SMAP1: variants seen among roughly 807,000 people sequenced by gnomAD.
SMAP1 encodes the protein small ArfGAP 1, also known as stromal membrane-associated protein 1.
Under a neutral mutation model 58.5 loss-of-function variants are expected in SMAP1, and 24 were observed. The observed-to-expected ratio is 0.41, with a 90% CI of 0.30 to 0.58. The LOEUF (loss-of-function observed/expected upper bound fraction) is 0.58. Among genes scored for constraint, SMAP1 ranks in the 20% least tolerant of loss-of-function variants. The pLI, the probability that SMAP1 is intolerant of heterozygous loss-of-function variation, is 0.29. For missense variants in SMAP1, 563 were observed against 566.3 expected, an observed-to-expected ratio of 0.99 and a Z score of 0.06; for synonymous variants, 216 against 196.6, an observed-to-expected ratio of 1.10 and a Z score of -0.82.
At chr6:70,822,113 G>T (rs1769916358) in intron 6 of SMAP1, among the ~76,000 whole-genome samples, 1 of 152,080 alleles carries the variant, frequency 6.6e-6, no homozygotes, top group Admixed American at 6.5e-5. Context: ...AGAAAATTAG[G>T]AAAATACTTC....
intron 1 of SMAP1, among the ~76,000 whole-genome samples, chr6:70,681,464 C>G (rs1370653975): frequency 6.6e-6 from 1 of 152,136 alleles, no homozygotes; most frequent in African/African-American, 2.4e-5. Flanking sequence ...ATGTTGTTTA[C>G]TTCTTTCGCT....
At chr6:70,668,762 A>G in intron 1 of SMAP1, 8 of 1,528,816 alleles carry the variant, frequency 5.2e-6, no homozygotes, top group Non-Finnish European at 7.0e-6. Context: ...AAAGGTCTTT[A>G]TTAGTAGTAG....
chr6:70,839,172 G>A (rs1770710902), intron 7 of SMAP1, among the ~76,000 whole-genome samples: 1 of 152,192 alleles, frequency 6.6e-6, no homozygotes, highest in Non-Finnish European at 1.5e-5. Flanking sequence ...CTGTGGGTCA[G>A]CTAGGGCAGC....
chr6:70,747,289 A>T (rs141479613), intron 2 of SMAP1, among the ~76,000 whole-genome samples: 1 of 152,348 alleles, frequency 6.6e-6, no homozygotes, highest in South Asian at 2.1e-4. Context: ...TTTGTTTACC[A>T]ATCACTGAAC....
At chr6:70,790,122 C>CGG (rs1457823619) in intron 4 of SMAP1, among the ~76,000 whole-genome samples, 4 of 152,110 alleles carry the variant, frequency 2.6e-5, no homozygotes, top group Admixed American at 6.6e-5. Context: ...CTAAAGTGAT[C>CGG]GTACGGCTTT....
At chr6:70,668,918 A>G (rs1766151775) in intron 1 of SMAP1, among the ~76,000 whole-genome samples, 1 of 152,104 alleles carries the variant, frequency 6.6e-6, no homozygotes, top group Non-Finnish European at 1.5e-5. Context: ...GTGGACACTG[A>G]TTTGTGTACC....
chr6:70,817,837 ACT>A (rs1193321115), intron 6 of SMAP1, among the ~76,000 whole-genome samples: 1 of 152,190 alleles, frequency 6.6e-6, no homozygotes, highest in African/African-American at 2.4e-5. Context: ...ATTTCCAAAG[ACT>A]AAGGATTGAG....
chr6:70,670,830 T>C (rs1766233198), intron 1 of SMAP1, among the ~76,000 whole-genome samples: 1 of 152,250 alleles, frequency 6.6e-6, no homozygotes, highest in South Asian at 2.1e-4. Context: ...TTGGTAGAGG[T>C]ATGTCAATTG....
chr6:70,781,061 G>C (rs997526582), intron 4 of SMAP1, among the ~76,000 whole-genome samples: 8 of 152,108 alleles, frequency 5.3e-5, no homozygotes, highest in African/African-American at 1.9e-4. Context: ...TTAATTATAA[G>C]AGTTTATATC....
chr6:70,737,385 G>A (rs959877742), intron 2 of SMAP1, among the ~76,000 whole-genome samples: 8 of 152,142 alleles, frequency 5.3e-5, no homozygotes, highest in Non-Finnish European at 7.4e-5. Flanking sequence ...GACCTCAGGT[G>A]ATCCACCTGC....
At chr6:70,774,029 C>T (rs750690119) in intron 4 of SMAP1, among the ~76,000 whole-genome samples, 7 of 152,128 alleles carry the variant, frequency 4.6e-5, no homozygotes, top group Admixed American at 2.0e-4. Context: ...TATCTGCATA[C>T]ACAGATACTT....
chr6:70,769,062 T>C (rs1435182948), intron 3 of SMAP1, among the ~76,000 whole-genome samples: 2 of 152,238 alleles, frequency 1.3e-5, no homozygotes, highest in African/African-American at 2.4e-5. Flanking sequence ...TGAGCAGTTT[T>C]GAGTGAGTTT....
chr6:70,853,376 A>G (rs1008110992), intron 8 of SMAP1, among the ~76,000 whole-genome samples: 1 of 152,198 alleles, frequency 6.6e-6, no homozygotes, highest in African/African-American at 2.4e-5. Context: ...AGCATACAAC[A>G]TTAAGATTCT....
chr6:70,777,327 C>A (rs1196975772), intron 4 of SMAP1, among the ~76,000 whole-genome samples: 2 of 152,138 alleles, frequency 1.3e-5, no homozygotes, highest in East Asian at 3.9e-4. Context: ...CGGAGCTGTT[C>A]CTATTCGGCC....
At chr6:70,826,530 G>A (rs1317694535) in intron 6 of SMAP1, among the ~76,000 whole-genome samples, 4 of 152,034 alleles carry the variant, frequency 2.6e-5, no homozygotes, top group Non-Finnish European at 5.9e-5. Context: ...TTGGGAGGCC[G>A]AGGCAGGTGG....
At chr6:70,708,810 G>GT (rs1179972016) in intron 1 of SMAP1, among the ~76,000 whole-genome samples, 1 of 151,902 alleles carries the variant, frequency 6.6e-6, no homozygotes, top group Admixed American at 6.6e-5. Flanking sequence ...TTAAGTAAGT[G>GT]TTTTTTTGGT....
intron 3 of SMAP1, among the ~76,000 whole-genome samples, chr6:70,771,971 G>T (rs1767343145): frequency 6.6e-6 from 1 of 152,184 alleles, no homozygotes; most frequent in Non-Finnish European, 1.5e-5. Context: ...TGTCCCGTCT[G>T]CCCAGGGCAC....
At chr6:70,706,358 C>A (rs1163869290) in intron 1 of SMAP1, among the ~76,000 whole-genome samples, 1 of 152,116 alleles carries the variant, frequency 6.6e-6, no homozygotes, top group Admixed American at 6.5e-5. Flanking sequence ...CTGGTTAAAA[C>A]CAGTCAACTA....
At chr6:70,717,002 T>C (rs1768294856) in intron 1 of SMAP1, among the ~76,000 whole-genome samples, 1 of 152,174 alleles carries the variant, frequency 6.6e-6, no homozygotes, top group African/African-American at 2.4e-5. Context: ...TAGGAGATGA[T>C]TCTTACCAGT....
Sources: allele counts gnomAD v4.1 joint callset (sites outside exome capture counted in the v4.1 genomes callset), GRCh38; gene constraint gnomAD v4.1.1; transcripts MANE v1.5; gene names NCBI Gene and HGNC (gene_info 2026-07-23, HGNC 2026-07-21).